The following MRM1 variants were observed in gnomAD, a reference collection of about 807,000 sequenced individuals.
MRM1 encodes mitochondrial rRNA methyltransferase 1, also known as rRNA methyltransferase 1, mitochondrial.
Under a neutral mutation model 25.0 loss-of-function variants are expected in MRM1, and 24 were observed. The ratio of observed to expected loss-of-function variants is 0.96; its 90% CI spans 0.69 to 1.35. The LOEUF (loss-of-function observed/expected upper bound fraction) is 1.35. MRM1 is among the 40% of genes most tolerant of loss of function. MRM1 has a pLI of 0.00. For synonymous variants in MRM1, 188 were observed against 199.2 expected (o/e 0.94, Z 0.47); for missense variants, 431 against 464.1 (o/e 0.93, Z 0.65).
chr17:36,623,620 G>A, the MRM1 span, among the ~76,000 whole-genome samples: 1 of 152,196 alleles, frequency 6.6e-6, no homozygotes, highest in Non-Finnish European at 1.5e-5. Flanking sequence ...AGCCTGAAGG[G>A]GAGGGTGGGG....
the MRM1 span, among the ~76,000 whole-genome samples, chr17:36,631,309 G>A: frequency 2.0e-5 from 3 of 152,320 alleles, no homozygotes; most frequent in South Asian, 6.2e-4. Flanking sequence ...GGAGCACAGG[G>A]GATCTGTAAA....
At chr17:36,614,560 G>T in the MRM1 span, among the ~76,000 whole-genome samples, 1 of 151,982 alleles carries the variant, frequency 6.6e-6, no homozygotes, top group Non-Finnish European at 1.5e-5. Flanking sequence ...CCATCTCCTG[G>T]GCACCCCAAC....
At chr17:36,615,758 G>A in the MRM1 span, among the ~76,000 whole-genome samples, 1 of 152,094 alleles carries the variant, frequency 6.6e-6, no homozygotes, top group Non-Finnish European at 1.5e-5. Context: ...TACTTTGGGA[G>A]GCCGAGGCAG....
At chr17:36,610,817 A>C (rs1348817192), downstream of MRM1, among the ~76,000 whole-genome samples, 1 of 151,504 alleles carries the variant, frequency 6.6e-6, no homozygotes, top group Non-Finnish European at 1.5e-5. Flanking sequence ...GTTGGTTTTT[A>C]TTTTTTCTTT....
intron 2 of MRM1, chr17:36,603,093 T>C (rs1171237743): frequency 1.0e-6 from 1 of 985,312 alleles, no homozygotes; most frequent in African/African-American, 1.7e-5. Flanking sequence ...CCCATCCGTT[T>C]GTCTTCAGCT....
At chr17:36,626,965 C>T in the MRM1 span, among the ~76,000 whole-genome samples, 1 of 152,172 alleles carries the variant, frequency 6.6e-6, no homozygotes, top group South Asian at 2.1e-4. Flanking sequence ...GACCCCAGCC[C>T]CCAAATCCCC....
chr17:36,627,296 C>T, the MRM1 span, among the ~76,000 whole-genome samples: 10 of 152,224 alleles, frequency 6.6e-5, no homozygotes, highest in Non-Finnish European at 8.8e-5. Context: ...GAGCGGGCTC[C>T]GTCACCATGG....
chr17:36,602,775 C>T lies in MRM1; in HGVS notation c.636+129C>T. 1 of 1,285,428 alleles carries T rather than the reference C, an allele frequency of 7.8e-7. No homozygotes were observed. Among genetic ancestry groups the T allele is most frequent in the Non-Finnish European group, 1.1e-6 (1 of 921,826 alleles). The allele number at this position is 1,285,428 out of a possible 1,614,324, so 79.6% of individuals were successfully genotyped here. A position where few individuals can be genotyped will look rare whatever the true frequency, so the allele number is the denominator to read the frequency against. On this transcript the variant is annotated intron_variant, in intron 2 of 4. Coordinates refer to ENST00000614766, the MANE Select transcript of MRM1 (RefSeq NM_024864.5). The surrounding 1 kb of genome is among the most constrained non-coding windows in gnomAD (Gnocchi z 4.1). ...CCGCTTCCTTTGGCCTTCTAAATCC[C>T]TCTGGGGATGGAAGGGTCCTGGAGT...
Position 36,601,673 on chromosome 17 carries a change from C to G in MRM1, c.-138C>G. 1.1e-6 allele frequency: 1 copy of G among 931,224 alleles called. No homozygotes were observed. Among genetic ancestry groups the G allele is most frequent in the Middle Eastern group, 3.5e-4 (1 of 2,872 alleles). 57.7% of individuals were successfully genotyped at this position (931,224 alleles called of 1,614,324 possible). On this transcript the variant is annotated 5_prime_UTR_variant, in exon 1 of 5. Transcript: ENST00000614766. ...TGTGGGTAATCGGGGCTGTTTGTTC[C>G]TGTCCGAGAGAGCTCGGCGGAGACG...
chr17:36,605,736 G>C (rs2074923187), intron 2 of MRM1, among the ~76,000 whole-genome samples: 1 of 151,816 alleles, frequency 6.6e-6, no homozygotes, highest in Admixed American at 6.6e-5. Flanking sequence ...CCCTTTGGTT[G>C]TTTAGGTCAA....
At chr17:36,617,958 G>A in the MRM1 span, among the ~76,000 whole-genome samples, 908 of 152,274 alleles carry the variant, frequency 6.0e-3, 9 homozygotes, top group African/African-American at 0.02. Context: ...GGGGCTGATC[G>A]ATAGCAGCCG....
the MRM1 span, among the ~76,000 whole-genome samples, chr17:36,615,062 A>G: frequency 5.4e-4 from 82 of 152,298 alleles, no homozygotes; most frequent in African/African-American, 1.9e-3. Context: ...TTTCTACCTC[A>G]GGCTCTGCAA....
rs2074945663 is a variant in MRM1, at chr17:36,607,930, G to A, written c.801G>A (p.Val267=). 3 of 1,614,118 alleles carry A rather than the reference G, an allele frequency of 1.9e-6. No individual in the cohort carries two copies. Among genetic ancestry groups the A allele is most frequent in the Non-Finnish European group, 1.7e-6 (2 of 1,180,018 alleles). The change falls in exon 4 of 5, where the codon GTG becomes GTA. Residue 267 remains valine (V), a synonymous_variant. Coordinates refer to ENST00000614766, the MANE Select transcript of MRM1 (RefSeq NM_024864.5). ...GNEGSGLSQE[V]QASCQLLLTI... ...AGGGCTCAGGTCTATCCCAGGAGGT[G>A]CAGGCCTCCTGCCAGCTTCTCCTCA...
At chr17:36,603,432 A>G (rs2078447) in intron 2 of MRM1, 53,537 of 162,446 alleles carry the variant, frequency 0.33, 9,744 homozygotes, top group Non-Finnish European at 0.41. Flanking sequence ...AGAGAGTTTC[A>G]TTCTTATTGC....
intron 2 of MRM1, among the ~76,000 whole-genome samples, chr17:36,607,385 C>T (rs2074939289): frequency 6.6e-6 from 1 of 151,948 alleles, no homozygotes; most frequent in Admixed American, 6.5e-5. Flanking sequence ...CTCTGGGAGG[C>T]CAAGGTGGGA....
At chr17:36,617,478 C>T in the MRM1 span, among the ~76,000 whole-genome samples, 1 of 150,754 alleles carries the variant, frequency 6.6e-6, no homozygotes, top group African/African-American at 2.4e-5. Flanking sequence ...CTGCAACCTC[C>T]GCCTCCCAGG....
intron 2 of MRM1, among the ~76,000 whole-genome samples, chr17:36,603,745 GT>G (rs2074903623): frequency 6.6e-6 from 1 of 152,136 alleles, no homozygotes; most frequent in Non-Finnish European, 1.5e-5. Context: ...TTTAAAAAAT[GT>G]TTTACATACA....
chr17:36,610,009 T>G (rs1253446472), downstream of MRM1, among the ~76,000 whole-genome samples: 1 of 152,102 alleles, frequency 6.6e-6, no homozygotes, highest in South Asian at 2.1e-4. Flanking sequence ...CACTGCATCC[T>G]CTGCCTCCCA....
downstream of MRM1, among the ~76,000 whole-genome samples, chr17:36,612,121 C>A (rs1049749919): frequency 6.6e-6 from 1 of 152,122 alleles, no homozygotes; most frequent in African/African-American, 2.4e-5. Flanking sequence ...CCCCACCCCC[C>A]ACAGACTCCT....
Sources: allele counts gnomAD v4.1 joint callset (sites outside exome capture counted in the v4.1 genomes callset), GRCh38; gene constraint gnomAD v4.1.1; non-coding constraint Gnocchi (gnomAD v3.1); transcripts MANE v1.5; gene names NCBI Gene and HGNC (gene_info 2026-07-23, HGNC 2026-07-21).